LIN9: variants seen among roughly 807,000 people sequenced by gnomAD.
LIN9 encodes protein lin-9 homolog.
Under a neutral mutation model 78.0 loss-of-function variants are expected in LIN9, and 18 were observed. The observed-to-expected ratio is 0.23, with a 90% CI of 0.16 to 0.34. The LOEUF (loss-of-function observed/expected upper bound fraction) is 0.34, where lower values mean the gene tolerates loss of function less well. Among genes scored for constraint, LIN9 ranks in the 10% least tolerant of loss-of-function variants. LIN9 has a pLI of 1.00. For synonymous variants in LIN9, 192 were observed against 215.2 expected, an observed-to-expected ratio of 0.89 and a Z score of 0.94; for missense variants, 451 against 644.1, an observed-to-expected ratio of 0.70 and a Z score of 3.25.
chr1:226,265,410 T>C lies in LIN9; in HGVS notation c.1038+123A>G, dbSNP rs548527652. On this transcript the variant is annotated intron_variant, in intron 10 of 14. Transcript: ENST00000681046. The surrounding 1 kb of genome is among the most constrained non-coding windows in gnomAD (Gnocchi z 4.1). ...TTTTATTTTCAGGCTTTGTTGGAAA[T>C]AGCAGCTCTTAAAACCTACACGGTG... 1.3e-4 allele frequency: 64 copies of C among 500,084 alleles called. No homozygotes were observed. In the South Asian group the frequency reaches 1.9e-3, roughly 15 times the overall value. The allele number at this position is 500,084 out of a possible 1,614,324, so 31.0% of individuals were successfully genotyped here.
chr1:226,309,476 C>T, upstream of LIN9: 6 of 1,108,122 alleles, frequency 5.4e-6, no homozygotes, highest in Non-Finnish European at 6.7e-6. Flanking sequence ...CCGCTCCCGG[C>T]GCATGTTCCG....
chr1:226,290,613 TA>T (rs1203915008), intron 4 of LIN9, among the ~76,000 whole-genome samples: 1 of 152,112 alleles, frequency 6.6e-6, no homozygotes, highest in Non-Finnish European at 1.5e-5. Context: ...GTGCTGGGAT[TA>T]CAGGCGTAAG....
intron 7 of LIN9, among the ~76,000 whole-genome samples, chr1:226,273,057 T>C (rs1328721096): frequency 1.3e-5 from 2 of 152,088 alleles, no homozygotes; most frequent in Non-Finnish European, 2.9e-5. Context: ...TCCTCGTGCC[T>C]TGGCCTCCCC....
Position 226,250,919 on chromosome 1 carries a change from T to G in LIN9, c.1039A>C (p.Thr347Pro). Residue 347 changes from threonine to proline, a missense_variant and splice_region_variant, in exon 11 of 15, where the codon ACC becomes CCC. Transcript: ENST00000681046. ...GFPVEFLIQV[T>P]RLSKILMIKK... ...ATCATGAGAATTTTTGATAATCTGGTCTACAGACAAAGAAGAAATATTTTA... is the reference window on the plus strand; with the variant it reads ...ATCATGAGAATTTTTGATAATCTGGGCTACAGACAAAGAAGAAATATTTTA... 7.0e-7 allele frequency: 1 copy of G among 1,436,322 alleles called. No homozygotes were observed. The highest frequency in any genetic ancestry group is 2.3e-5 in the East Asian group (1 of 43,892). 89.0% of individuals were successfully genotyped at this position (1,436,322 alleles called of 1,614,324 possible). A position where few individuals can be genotyped will look rare whatever the true frequency, so the allele number is the denominator to read the frequency against.
In LIN9 at chr1:226,295,927, C is replaced by T. The variant is rs1662119601; in HGVS notation, c.179G>A (p.Arg60Gln). ...AVEMPFRNSKRSRLFSDEDDR... is the reference protein window; with the variant it reads ...AVEMPFRNSKQSRLFSDEDDR... ...ATCTTCATCAGAAAAAAGTCGACTT[C>T]GTTTTGAATTTCTGAAAGGCTATGA... Residue 60 changes from arginine to glutamine, a missense_variant, in exon 4 of 15, where the codon CGA (arginine) becomes CAA (glutamine). Transcript: ENST00000681046. The T allele has an allele frequency of 4.3e-6, 7 of 1,610,544 alleles. No homozygotes were observed. Among genetic ancestry groups the T allele is most frequent in the South Asian group, 1.1e-5 (1 of 90,218 alleles).
At chr1:226,307,587 G>C (rs147723295) in intron 1 of LIN9, among the ~76,000 whole-genome samples, 126 of 152,318 alleles carry the variant, frequency 8.3e-4, no homozygotes, top group African/African-American at 3.0e-3. Flanking sequence ...AATGAGCCGA[G>C]ATAGTACCAT....
chr1:226,309,425 C>G, upstream of LIN9: 1 of 998,482 alleles, frequency 1.0e-6, no homozygotes, highest in Non-Finnish European at 1.2e-6. Context: ...GGCGCCGGAG[C>G]GCGGGGGGAG....
At chr1:226,309,372 C>T (rs1663150241), upstream of LIN9, 3 of 988,676 alleles carry the variant, frequency 3.0e-6, no homozygotes, top group African/African-American at 1.7e-5. Context: ...TCCGGCCGAG[C>T]CGGGCGGGAG....
intron 11 of LIN9, among the ~76,000 whole-genome samples, chr1:226,239,392 T>G (rs1307910816): frequency 6.6e-6 from 1 of 152,236 alleles, no homozygotes; most frequent in Non-Finnish European, 1.5e-5. Context: ...GTTCGTTATA[T>G]TCGTCTTTCA....
rs779172969 is a variant in LIN9, at chr1:226,301,231, ATAAT to A, written c.32-30_32-27del. On this transcript the variant is annotated intron_variant, in intron 1 of 14. Transcript: ENST00000681046. ...CTGCAATTAAAAATAAAACAAATCA[ATAAT>A]TATTTCATAACCAAAGTGAGAGAAA... is the stretch of plus-strand genomic sequence containing the variant. 3.7e-5 allele frequency: 58 copies of A among 1,575,518 alleles called. 1 individual carries two copies. In the East Asian group the frequency reaches 9.4e-4, roughly 26 times the overall value.
intron 8 of LIN9, among the ~76,000 whole-genome samples, chr1:226,267,184 C>T (rs1200770835): frequency 6.7e-6 from 1 of 149,236 alleles, no homozygotes; most frequent in Non-Finnish European, 1.5e-5. Flanking sequence ...TCTTTCTCTC[C>T]TATTGCGGAG....
chr1:226,296,153 T>C (rs776758755), intron 3 of LIN9, among the ~76,000 whole-genome samples: 3 of 152,226 alleles, frequency 2.0e-5, no homozygotes, highest in Non-Finnish European at 4.4e-5. Flanking sequence ...AAGGTGCTTA[T>C]GAATGAAATA....
intron 10 of LIN9, among the ~76,000 whole-genome samples, chr1:226,262,430 CAAT>C (rs1386858206): frequency 6.6e-6 from 1 of 152,040 alleles, no homozygotes; most frequent in Non-Finnish European, 1.5e-5. Context: ...TAAAACCCAA[CAAT>C]AAGAAAACAA....
At chr1:226,275,693 G>GAAA (rs1272770989) in intron 7 of LIN9, among the ~76,000 whole-genome samples, 1 of 128,748 alleles carries the variant, frequency 7.8e-6, no homozygotes, top group Non-Finnish European at 1.6e-5. Flanking sequence ...CTCCGTCTCA[G>GAAA]AAAAAAAAAA....
At chr1:226,268,543 G>C (rs1387577814) in intron 7 of LIN9, among the ~76,000 whole-genome samples, 1 of 152,184 alleles carries the variant, frequency 6.6e-6, no homozygotes, top group Non-Finnish European at 1.5e-5. Context: ...TGGTATCTGG[G>C]AACTTGGATT....
intron 7 of LIN9, among the ~76,000 whole-genome samples, chr1:226,273,236 C>G (rs77609626): frequency 9.7e-6 from 1 of 103,012 alleles, no homozygotes; most frequent in Non-Finnish European, 2.1e-5. Flanking sequence ...TTCCTGCCAT[C>G]TTTTTTTTTT....
At chr1:226,290,949 G>T (rs1576347706) in intron 4 of LIN9, among the ~76,000 whole-genome samples, 1 of 151,882 alleles carries the variant, frequency 6.6e-6, no homozygotes, top group Admixed American at 6.6e-5. Context: ...TAGAGATGGG[G>T]TTTTGCCATG....
intron 12 of LIN9, among the ~76,000 whole-genome samples, chr1:226,235,569 C>G (rs74148466): frequency 0.024 from 3,720 of 152,166 alleles, 149 homozygotes; most frequent in African/African-American, 0.085. Context: ...TACAAAACTC[C>G]AAAATCCAAA....
rs559460640 is a variant in LIN9, at chr1:226,260,628, G to GTTTTTTTTTTT, written c.1038+4894_1038+4904dup. 1.4e-4 allele frequency among the ~76,000 whole-genome samples: 10 copies of GTTTTTTTTTTT among 73,438 alleles called. 1 individual carries two copies. Among genetic ancestry groups the GTTTTTTTTTTT allele is most frequent in the African/African-American group, 4.0e-4 (8 of 19,838 alleles). The allele number at this position is 73,438 out of a possible 152,430, so 48.2% of individuals were successfully genotyped here. A position where few individuals can be genotyped will look rare whatever the true frequency, so the allele number is the denominator to read the frequency against. ...AGAATTTAAGATCACGGCCAAATGA[G>GTTTTTTTTTTT]TTTTTTTTTTTTTTTTTTTTTTTTT... On this transcript the variant is annotated intron_variant, in intron 10 of 14. Coordinates refer to ENST00000681046, the MANE Select transcript of LIN9 (RefSeq NM_001366245.2).
Sources: allele counts gnomAD v4.1 joint callset (sites outside exome capture counted in the v4.1 genomes callset), GRCh38; gene constraint gnomAD v4.1.1; non-coding constraint Gnocchi (gnomAD v3.1); transcripts MANE v1.5; gene names NCBI Gene and HGNC (gene_info 2026-07-23, HGNC 2026-07-21).